NPAS3: variants seen among roughly 807,000 people sequenced by gnomAD.
NPAS3 encodes the protein neuronal PAS domain-containing protein 3.
NPAS3 carries 14 observed loss-of-function variants against 73.1 expected under a neutral mutation model. That is an observed-to-expected ratio of 0.19 (90% CI 0.13 to 0.30). NPAS3 has a LOEUF of 0.30. Ranked by LOEUF, NPAS3 falls within the 10% of genes least tolerant of loss-of-function variation. The pLI is 1.00. For missense variants in NPAS3, 1,096 were observed against 1,250.0 expected (o/e 0.88, Z 1.86); for synonymous variants, 620 against 541.5 (o/e 1.14, Z -2.01).
At chr14:33,156,124 T>C (rs1196943926) in intron 2 of NPAS3, among the ~76,000 whole-genome samples, 1 of 152,126 alleles carries the variant, frequency 6.6e-6, no homozygotes, top group Non-Finnish European at 1.5e-5. Context: ...AGTATAAGGG[T>C]GTAGAATCAA....
intron 6 of NPAS3, among the ~76,000 whole-genome samples, chr14:33,719,044 C>T (rs1429631078): frequency 6.6e-6 from 1 of 152,104 alleles, no homozygotes; most frequent in Non-Finnish European, 1.5e-5. Context: ...TGGAGGATTG[C>T]TTGATCCCAG....
intron 4 of NPAS3, among the ~76,000 whole-genome samples, chr14:33,452,459 A>G (rs977823639): frequency 2.6e-5 from 4 of 152,156 alleles, no homozygotes; most frequent in African/African-American, 4.8e-5. Flanking sequence ...TTTAGAAGAA[A>G]GAGTACATAG....
rs142377821 is a variant in NPAS3, at chr14:33,283,372, A to G, written c.385+67946A>G. Among the ~76,000 whole-genome samples, 541 of 152,336 alleles carry G rather than the reference A, an allele frequency of 3.6e-3. 1 individual carries two copies. Among genetic ancestry groups the G allele is most frequent in the African/African-American group, 0.011 (477 of 41,576 alleles). ...AATAAAGGCAGAATTTCTATGATAT[A>G]GGCGTTATTAACAGTCTTCAAGTAT... On this transcript the variant is annotated intron_variant, in intron 3 of 11. Transcript: ENST00000356141.
At chr14:33,354,114 T>A (rs1429319379) in intron 3 of NPAS3, among the ~76,000 whole-genome samples, 1 of 152,200 alleles carries the variant, frequency 6.6e-6, no homozygotes, top group Non-Finnish European at 1.5e-5. Flanking sequence ...TTTTCATCTA[T>A]GTCTCATGGC....
intron 3 of NPAS3, among the ~76,000 whole-genome samples, chr14:33,279,646 C>T (rs1418704474): frequency 1.3e-5 from 2 of 152,232 alleles, no homozygotes; most frequent in Admixed American, 1.3e-4. Flanking sequence ...CACCTTTTCA[C>T]CCTGGAATTT....
chr14:33,184,900 G>A (rs2045928420), intron 2 of NPAS3, among the ~76,000 whole-genome samples: 1 of 152,112 alleles, frequency 6.6e-6, no homozygotes, highest in Admixed American at 6.5e-5. Context: ...AGGCCAATAG[G>A]CAGCCTGAAA....
At chr14:33,793,220 CTGTT>C (rs901283368) in intron 9 of NPAS3, among the ~76,000 whole-genome samples, 32 of 152,366 alleles carry the variant, frequency 2.1e-4, no homozygotes, top group Middle Eastern at 3.4e-3. Context: ...AGCTGTCACT[CTGTT>C]TGGCTCCAGC....
At chr14:33,048,385 A>C (rs767770778) in intron 1 of NPAS3, among the ~76,000 whole-genome samples, 11 of 152,196 alleles carry the variant, frequency 7.2e-5, no homozygotes, top group Non-Finnish European at 1.6e-4. Flanking sequence ...CCTTAAGGAC[A>C]AAGGGTGGGC....
intron 5 of NPAS3, among the ~76,000 whole-genome samples, chr14:33,621,775 G>GA (rs1479871585): frequency 6.6e-6 from 1 of 151,868 alleles, no homozygotes; most frequent in Non-Finnish European, 1.5e-5. Flanking sequence ...AATGAAAGAA[G>GA]AAAAAAACAT....
At chr14:33,108,838 C>T (rs762271483) in intron 2 of NPAS3, among the ~76,000 whole-genome samples, 1 of 152,056 alleles carries the variant, frequency 6.6e-6, no homozygotes, top group Non-Finnish European at 1.5e-5. Context: ...TGCTTGCCTG[C>T]CAGCTTCAAC....
intron 7 of NPAS3, among the ~76,000 whole-genome samples, chr14:33,746,615 A>C (rs1217498964): frequency 6.6e-6 from 1 of 152,070 alleles, no homozygotes; most frequent in East Asian, 1.9e-4. Context: ...GCTTTACAAA[A>C]TATGGTTGCA....
chr14:33,706,205 G>A (rs1302956399), intron 6 of NPAS3, among the ~76,000 whole-genome samples: 1 of 152,170 alleles, frequency 6.6e-6, no homozygotes, highest in Non-Finnish European at 1.5e-5. Context: ...ATATGAGCTA[G>A]TAGGGGGTTT....
intron 5 of NPAS3, among the ~76,000 whole-genome samples, chr14:33,618,449 A>G (rs557617553): frequency 6.6e-6 from 1 of 152,262 alleles, no homozygotes; most frequent in South Asian, 2.1e-4. Context: ...GATCCCTCCC[A>G]TGCACAGTTC....
intron 2 of NPAS3, among the ~76,000 whole-genome samples, chr14:33,154,373 G>A (rs1225754930): frequency 1.3e-5 from 2 of 152,186 alleles, no homozygotes; most frequent in Non-Finnish European, 2.9e-5. Context: ...TTTTGAAAAT[G>A]TTTGCTATGC....
At chr14:33,063,168 G>A (rs1335589013) in intron 2 of NPAS3, among the ~76,000 whole-genome samples, 1 of 152,194 alleles carries the variant, frequency 6.6e-6, no homozygotes, top group Non-Finnish European at 1.5e-5. Context: ...CTCAGAGGTT[G>A]TTTTGAGGAT....
intron 3 of NPAS3, among the ~76,000 whole-genome samples, chr14:33,282,143 T>G (rs1162157738): frequency 6.6e-6 from 1 of 152,226 alleles, no homozygotes; most frequent in Non-Finnish European, 1.5e-5. Flanking sequence ...AAAAGCTTAC[T>G]CACGATTTAA....
chr14:33,346,600 A>AAGAAAATT (rs1329103715), intron 3 of NPAS3, among the ~76,000 whole-genome samples: 1 of 152,028 alleles, frequency 6.6e-6, no homozygotes, highest in East Asian at 1.9e-4. Flanking sequence ...CTTTGCCCTC[A>AAGAAAATT]AGAAAATTAG....
At chr14:33,274,536 C>G (rs781407739) in intron 3 of NPAS3, among the ~76,000 whole-genome samples, 86 of 152,068 alleles carry the variant, frequency 5.7e-4, no homozygotes, top group Non-Finnish European at 9.9e-4. Flanking sequence ...TTCCATAGAC[C>G]CTGCCTCAGT....
chr14:33,652,197 C>T (rs143139384), intron 5 of NPAS3, among the ~76,000 whole-genome samples: 4 of 152,226 alleles, frequency 2.6e-5, no homozygotes, highest in African/African-American at 9.6e-5. Context: ...ATTATCTTGG[C>T]ATCCTTATAT....
Sources: allele counts gnomAD v4.1 joint callset (sites outside exome capture counted in the v4.1 genomes callset), GRCh38; gene constraint gnomAD v4.1.1; transcripts MANE v1.5; gene names NCBI Gene and HGNC (gene_info 2026-07-23, HGNC 2026-07-21).